The following MACO1 variants were observed in gnomAD, a reference collection of about 807,000 sequenced individuals.
MACO1 encodes macoilin 1, also known as macoilin.
In MACO1, 14 loss-of-function variants were observed where a neutral mutation model predicts 78.7. That is an observed-to-expected ratio of 0.18 (90% confidence interval 0.12 to 0.28). MACO1 has a LOEUF of 0.28. Among genes scored for constraint, MACO1 ranks in the 10% least tolerant of loss-of-function variants. MACO1 has a pLI of 1.00. For missense variants in MACO1, 501 were observed against 799.0 expected, an observed-to-expected ratio of 0.63 and a Z score of 4.50; for synonymous variants, 288 against 291.6, an observed-to-expected ratio of 0.99 and a Z score of 0.12.
intron 8 of MACO1, among the ~76,000 whole-genome samples, chr1:25,488,624 G>C (rs561079570): frequency 6.6e-6 from 1 of 152,086 alleles, no homozygotes; most frequent in East Asian, 1.9e-4. Context: ...CTCCCGAGTA[G>C]CTGGGATTAC....
At chr1:25,458,344 A>G (rs374530925) in intron 5 of MACO1, 47 bp from the exon 6 acceptor site, 175 of 1,531,034 alleles carry the variant, frequency 1.1e-4, no homozygotes, top group Non-Finnish European at 1.5e-4. Context: ...ACAACTAAAT[A>G]TTCCGGTGGG....
At chr1:25,440,355 T>G (rs1000589118) in intron 1 of MACO1, among the ~76,000 whole-genome samples, 1 of 149,816 alleles carries the variant, frequency 6.7e-6, no homozygotes. Context: ...TGAACTATGA[T>G]TGTACCACTG....
chr1:25,454,400 GTA>G lies in MACO1; in HGVS notation c.473+20_473+21del, dbSNP rs778857328. 536 of 1,547,544 alleles carry G rather than the reference GTA, an allele frequency of 3.5e-4. 5 individuals are homozygous for G. Among genetic ancestry groups the G allele is most frequent in the East Asian group, 4.7e-4 (20 of 42,116 alleles). ...GCTCACTGGTAAGTATTACATAAATGTATGTGTGTGTGTGTGTATATGTGTGT... is the reference window on the plus strand; with the variant it reads ...GCTCACTGGTAAGTATTACATAAATGTGTGTGTGTGTGTGTATATGTGTGT... On this transcript the variant is annotated intron_variant, in intron 4 of 10. Coordinates refer to ENST00000374343, the MANE Select transcript of MACO1 (RefSeq NM_018202.6).
chr1:25,447,262 C>T (rs2043024611), intron 2 of MACO1, among the ~76,000 whole-genome samples: 1 of 151,996 alleles, frequency 6.6e-6, no homozygotes, highest in Non-Finnish European at 1.5e-5. Context: ...TTCTGGGTTC[C>T]CTGTTGCTAG....
intron 1 of MACO1, 70 bp from the exon 2 acceptor site, chr1:25,446,692 A>G: frequency 1.4e-6 from 2 of 1,445,104 alleles, no homozygotes; most frequent in African/African-American, 1.4e-5. Flanking sequence ...TTAAACAGAA[A>G]CAGTGAATTT....
At chr1:25,451,862 C>T (rs2043069333) in intron 3 of MACO1, among the ~76,000 whole-genome samples, 2 of 150,664 alleles carry the variant, frequency 1.3e-5, no homozygotes, top group African/African-American at 4.9e-5. Context: ...GCTGAGATTG[C>T]ACCTGTACTT....
At chr1:25,431,434 G>A (rs2042866552) in intron 1 of MACO1, among the ~76,000 whole-genome samples, 1 of 149,616 alleles carries the variant, frequency 6.7e-6, no homozygotes, top group Non-Finnish European at 1.5e-5. Flanking sequence ...GCCGCCGTTG[G>A]AAGCGCCGGG....
chr1:25,489,821 G>A (rs1440848827), intron 9 of MACO1, among the ~76,000 whole-genome samples: 2 of 152,160 alleles, frequency 1.3e-5, no homozygotes, highest in African/African-American at 4.8e-5. Flanking sequence ...AGTAATTTGA[G>A]CCAGGTGGGA....
chr1:25,471,671 G>T (rs370496452), intron 6 of MACO1, among the ~76,000 whole-genome samples: 2 of 152,152 alleles, frequency 1.3e-5, no homozygotes, highest in African/African-American at 4.8e-5. Context: ...AGCAGGGAGG[G>T]TGGCACCCAG....
At chr1:25,438,307 A>G (rs1176807619) in intron 1 of MACO1, among the ~76,000 whole-genome samples, 1 of 152,248 alleles carries the variant, frequency 6.6e-6, no homozygotes, top group Non-Finnish European at 1.5e-5. Context: ...TCATAAGGGA[A>G]TCAAAATTAT....
At position 25,499,713 on chromosome 1, in the gene MACO1, G is replaced by A. The variant is rs1046616588; in HGVS notation, c.*1247G>A. 2.0e-5 allele frequency: 3 copies of A among 151,706 alleles called. No homozygotes were observed. The highest frequency in any genetic ancestry group is 7.3e-5 in the African/African-American group (3 of 41,268). The allele number at this position is 151,706 out of a possible 1,614,324, so 9.4% of individuals were successfully genotyped here. On this transcript the variant is annotated 3_prime_UTR_variant, in exon 11 of 11. Coordinates refer to ENST00000374343, the MANE Select transcript of MACO1 (RefSeq NM_018202.6). ...GGGTGGCGGGAGGGACCGGGTGGGGGCAATGCAAAATTGTATTTGGAAACT... is the reference window on the plus strand; with the variant it reads ...GGGTGGCGGGAGGGACCGGGTGGGGACAATGCAAAATTGTATTTGGAAACT...
Position 25,484,239 on chromosome 1 carries a change from C to G in MACO1, c.1278C>G (p.Gly426=). 1 of 1,613,054 alleles carries G rather than the reference C, an allele frequency of 6.2e-7. No individual in the cohort carries two copies. Among genetic ancestry groups the G allele is most frequent in the Non-Finnish European group, 8.5e-7 (1 of 1,179,758 alleles). Residue 426 remains glycine, a synonymous_variant, in exon 7 of 11, where the codon GGC becomes GGG. Transcript: ENST00000374343. ...STERGIRSEM[G]QLRQENELLQ... ...AGCGAGGGATCCGCTCAGAAATGGG[C>G]CAGCTTCGGCAGGAGAACGAGCTGC...
intron 6 of MACO1, among the ~76,000 whole-genome samples, chr1:25,462,457 C>T (rs985778911): frequency 6.6e-6 from 1 of 152,318 alleles, no homozygotes; most frequent in African/African-American, 2.4e-5. Context: ...GCCTCCCTCT[C>T]TTCCTCCTTT....
intron 5 of MACO1, among the ~76,000 whole-genome samples, chr1:25,457,376 T>C (rs2043130909): frequency 1.3e-5 from 2 of 152,132 alleles, no homozygotes; most frequent in Non-Finnish European, 2.9e-5. Context: ...CCTTCTGAAG[T>C]GTAGGGATTA....
chr1:25,432,141 A>C (rs1463841544), intron 1 of MACO1, among the ~76,000 whole-genome samples: 1 of 152,246 alleles, frequency 6.6e-6, no homozygotes, highest in East Asian at 1.9e-4. Flanking sequence ...TTTACAAAGA[A>C]GAATTCTCAG....
At position 25,469,895 on chromosome 1, in the gene MACO1, G is replaced by A. The variant is rs187705348; in HGVS notation, c.1154+11003G>A. ...CCCGCCTCAGCTTCCCAAAGTGCTGGGATTACAGGCATGAGCCACCGCGCC... is the reference window on the plus strand; with the variant it reads ...CCCGCCTCAGCTTCCCAAAGTGCTGAGATTACAGGCATGAGCCACCGCGCC... On this transcript the variant is annotated intron_variant, in intron 6 of 10. Coordinates refer to ENST00000374343, the MANE Select transcript of MACO1 (RefSeq NM_018202.6). Among the ~76,000 whole-genome samples the A allele has an allele frequency of 5.3e-5, 8 of 152,076 alleles. 1 individual carries two copies. The highest frequency in any genetic ancestry group is 1.9e-4 in the African/African-American group (8 of 41,476).
chr1:25,456,809 G>A lies in MACO1; in HGVS notation c.630G>A (p.Lys210=), dbSNP rs1368885826. 6.2e-7 allele frequency: 1 copy of A among 1,610,292 alleles called. No individual in the cohort carries two copies. The highest frequency in any genetic ancestry group is 8.5e-7 in the Non-Finnish European group (1 of 1,179,006). Reference sequence around the variant, plus strand: ...CTCCAGAGCAACAGATGCTACAGAAGCAAGAAAAAGAGGCCGAGGAAGGTA... The same window carrying A: ...CTCCAGAGCAACAGATGCTACAGAAACAAGAAAAAGAGGCCGAGGAAGGTA... ...ALPPEQQMLQ[K]QEKEAEEAAK... Residue 210 remains lysine, a synonymous_variant, in exon 5 of 11, where the codon AAG becomes AAA. Coordinates refer to ENST00000374343, the MANE Select transcript of MACO1 (RefSeq NM_018202.6).
intron 1 of MACO1, among the ~76,000 whole-genome samples, chr1:25,436,178 G>C (rs1243910049): frequency 6.6e-6 from 1 of 151,998 alleles, no homozygotes; most frequent in Non-Finnish European, 1.5e-5. Context: ...TTTCTTACTA[G>C]TTATATGCTT....
At chr1:25,470,265 CT>C (rs2043255851) in intron 6 of MACO1, among the ~76,000 whole-genome samples, 1 of 152,166 alleles carries the variant, frequency 6.6e-6, no homozygotes, top group African/African-American at 2.4e-5. Flanking sequence ...TTCTATCATT[CT>C]TTATCTCTTG....
Sources: allele counts gnomAD v4.1 joint callset (sites outside exome capture counted in the v4.1 genomes callset), GRCh38; gene constraint gnomAD v4.1.1; transcripts MANE v1.5; gene names NCBI Gene and HGNC (gene_info 2026-07-23, HGNC 2026-07-21).